COL22A1: variants seen among roughly 807,000 people sequenced by gnomAD.
COL22A1 encodes collagen type XXII alpha 1 chain, also known as collagen alpha-1(XXII) chain.
Under a neutral mutation model 248.9 loss-of-function variants are expected in COL22A1, and 221 were observed. The ratio of observed to expected loss-of-function variants is 0.89; its 90% CI spans 0.80 to 0.99. The LOEUF (loss-of-function observed/expected upper bound fraction) is 0.99. Among genes scored for constraint, COL22A1 ranks in the 50% least tolerant of loss-of-function variants. The pLI is 0.00. For missense variants in COL22A1, 2,240 were observed against 2,179.0 expected (o/e 1.03, Z -0.56); for synonymous variants, 891 against 793.4 (o/e 1.12, Z -2.07).
chr8:138,808,462 C>A (rs555550188), intron 9 of COL22A1, among the ~76,000 whole-genome samples: 1 of 152,118 alleles, frequency 6.6e-6, no homozygotes, highest in Non-Finnish European at 1.5e-5. Flanking sequence ...TGACTGCTAG[C>A]GGTTCATGTA....
intron 7 of COL22A1, among the ~76,000 whole-genome samples, chr8:138,815,637 T>C (rs1480482147): frequency 2.6e-5 from 4 of 152,184 alleles, no homozygotes. Context: ...ATTCTGTCTG[T>C]TTCTTAGCTC....
intron 4 of COL22A1, among the ~76,000 whole-genome samples, chr8:138,833,631 G>A (rs1820217839): frequency 6.6e-6 from 1 of 152,228 alleles, no homozygotes; most frequent in South Asian, 2.1e-4. Context: ...TTTAAAGAGA[G>A]AAACATCAGA....
intron 37 of COL22A1, among the ~76,000 whole-genome samples, chr8:138,687,113 T>C (rs938962922): frequency 6.6e-6 from 1 of 152,170 alleles, no homozygotes; most frequent in Non-Finnish European, 1.5e-5. Context: ...TGTGCCACCA[T>C]ACCCAACTAA....
intron 1 of COL22A1, among the ~76,000 whole-genome samples, chr8:138,909,374 C>A (rs1259638351): frequency 7.0e-6 from 1 of 141,846 alleles, no homozygotes; most frequent in Non-Finnish European, 1.5e-5. Context: ...GGCTGACTTG[C>A]CTTTTTTTTT....
chr8:138,850,037 CG>C (rs1821513644), intron 3 of COL22A1, among the ~76,000 whole-genome samples: 1 of 152,072 alleles, frequency 6.6e-6, no homozygotes, highest in Non-Finnish European at 1.5e-5. Context: ...TAATTGAAAG[CG>C]GGAGGAAATT....
At chr8:138,662,313 G>A (rs1449393871) in intron 42 of COL22A1, among the ~76,000 whole-genome samples, 2 of 152,124 alleles carry the variant, frequency 1.3e-5, no homozygotes, top group Non-Finnish European at 2.9e-5. Flanking sequence ...TTCATTTTGA[G>A]CCTGACAACT....
intron 3 of COL22A1, among the ~76,000 whole-genome samples, chr8:138,855,050 G>C (rs1821918581): frequency 6.6e-6 from 1 of 152,154 alleles, no homozygotes; most frequent in African/African-American, 2.4e-5. Flanking sequence ...GTGTGACCTT[G>C]CATGGCCTCC....
intron 1 of COL22A1, among the ~76,000 whole-genome samples, chr8:138,899,609 C>T (rs1260172794): frequency 2.0e-5 from 3 of 152,076 alleles, no homozygotes; most frequent in African/African-American, 7.2e-5. Flanking sequence ...CTGCAGCCTC[C>T]ACCCCTTGGG....
intron 43 of COL22A1, among the ~76,000 whole-genome samples, chr8:138,660,867 AAC>A (rs1261934776): frequency 3.1e-5 from 4 of 131,122 alleles, no homozygotes; most frequent in African/African-American, 9.3e-5. Context: ...CAGACACACA[AAC>A]ACACAGACAC....
At chr8:138,795,768 T>G (rs1816460929) in intron 12 of COL22A1, among the ~76,000 whole-genome samples, 2 of 152,222 alleles carry the variant, frequency 1.3e-5, no homozygotes, top group Admixed American at 1.3e-4. Context: ...CATGGATATG[T>G]ACTTGTGCAT....
At chr8:138,761,973 T>G (rs938668922) in intron 17 of COL22A1, among the ~76,000 whole-genome samples, 6 of 152,210 alleles carry the variant, frequency 3.9e-5, no homozygotes, top group African/African-American at 1.4e-4. Flanking sequence ...CTCACATCAG[T>G]GCATCCAGAG....
intron 43 of COL22A1, among the ~76,000 whole-genome samples, chr8:138,661,193 A>G (rs894651386): frequency 4.6e-5 from 7 of 152,196 alleles, no homozygotes; most frequent in South Asian, 2.1e-4. Flanking sequence ...AAATACTCCT[A>G]TTAGACTGGC....
chr8:138,711,249 G>A (rs1828940011), intron 30 of COL22A1, among the ~76,000 whole-genome samples: 1 of 152,206 alleles, frequency 6.6e-6, no homozygotes, highest in South Asian at 2.1e-4. Flanking sequence ...CTGATGCTGT[G>A]GGCCTAAGTG....
intron 3 of COL22A1, among the ~76,000 whole-genome samples, chr8:138,867,522 CAGACA>C (rs1172867651): frequency 6.6e-6 from 1 of 152,158 alleles, no homozygotes; most frequent in African/African-American, 2.4e-5. Context: ...TTTCAGATTA[CAGACA>C]AGGAAACCGA....
intron 7 of COL22A1, among the ~76,000 whole-genome samples, chr8:138,815,065 C>A (rs1255356757): frequency 6.6e-6 from 1 of 152,172 alleles, no homozygotes; most frequent in Non-Finnish European, 1.5e-5. Flanking sequence ...CTCCCTTGCA[C>A]ACGCTTTCTC....
chr8:138,749,767 G>T (rs1401245837), intron 22 of COL22A1, among the ~76,000 whole-genome samples: 2 of 152,180 alleles, frequency 1.3e-5, no homozygotes, highest in African/African-American at 2.4e-5. Context: ...TGAAGCCCAG[G>T]ATCCTTCCAC....
At chr8:138,667,172 A>AAT (rs557445741) in intron 41 of COL22A1, among the ~76,000 whole-genome samples, 226 of 152,338 alleles carry the variant, frequency 1.5e-3, no homozygotes, top group Non-Finnish European at 2.4e-3. Context: ...TGTTTTCAAC[A>AAT]ATTACAACCC....
intron 45 of COL22A1, among the ~76,000 whole-genome samples, chr8:138,652,735 G>GTTTTTTTTTT (rs71316352): frequency 0.028 from 1,543 of 54,268 alleles, 532 homozygotes; most frequent in East Asian, 0.052. Context: ...TCCTTTTCTG[G>GTTTTTTTTTT]TTTTTTTTTT....
intron 1 of COL22A1, among the ~76,000 whole-genome samples, chr8:138,904,096 A>C (rs1814818077): frequency 6.6e-6 from 1 of 152,060 alleles, no homozygotes; most frequent in South Asian, 2.1e-4. Context: ...GAGTTCTTCC[A>C]CTTCAAAACC....
Sources: gnomAD v4.1 joint callset for allele counts (sites outside exome capture counted in the v4.1 genomes callset) on GRCh38, gnomAD v4.1.1 for gene constraint, MANE v1.5 for transcripts, NCBI Gene and HGNC (gene_info 2026-07-23, HGNC 2026-07-21) for gene names.